The following LRMDA variants were observed in gnomAD, a reference collection of about 807,000 sequenced individuals.
LRMDA encodes leucine rich melanocyte differentiation associated, also known as leucine-rich melanocyte differentiation-associated protein.
In LRMDA, 18 loss-of-function variants were observed where a neutral mutation model predicts 29.8. That is an observed-to-expected ratio of 0.60 (90% confidence interval 0.42 to 0.90). The LOEUF is 0.90. Ranked by LOEUF, LRMDA falls within the 40% of genes least tolerant of loss-of-function variation. LRMDA has a pLI of 0.00. For missense variants in LRMDA, 273 were observed against 273.9 expected (o/e 1.00, Z 0.02); for synonymous variants, 125 against 109.4 (o/e 1.14, Z -0.89).
At chr10:75,755,227 A>T (rs943055897) in intron 2 of LRMDA, among the ~76,000 whole-genome samples, 26 of 152,156 alleles carry the variant, frequency 1.7e-4, no homozygotes, top group African/African-American at 6.0e-4. Context: ...CTCAGAAAAA[A>T]GTCTTAGTTA....
chr10:75,678,655 C>T (rs1247756133), intron 2 of LRMDA, among the ~76,000 whole-genome samples: 1 of 152,176 alleles, frequency 6.6e-6, no homozygotes, highest in Non-Finnish European at 1.5e-5. Flanking sequence ...TTGCTTTTCT[C>T]TTGTTAAAGT....
chr10:75,530,117 T>A (rs1287905530), intron 2 of LRMDA, among the ~76,000 whole-genome samples: 1 of 151,780 alleles, frequency 6.6e-6, no homozygotes, highest in Admixed American at 6.6e-5. Flanking sequence ...ATATATTCTT[T>A]AAAAAATATA....
chr10:76,461,295 C>G (rs1842509503), intron 6 of LRMDA, among the ~76,000 whole-genome samples: 1 of 152,134 alleles, frequency 6.6e-6, no homozygotes, highest in South Asian at 2.1e-4. Flanking sequence ...AACAGAAAAT[C>G]TCCAGTGAGC....
intron 5 of LRMDA, among the ~76,000 whole-genome samples, chr10:76,211,170 T>C (rs1851627344): frequency 6.6e-6 from 1 of 152,178 alleles, no homozygotes; most frequent in African/African-American, 2.4e-5. Flanking sequence ...GAAATGTCCT[T>C]CCTCTCTGTC....
intron 2 of LRMDA, among the ~76,000 whole-genome samples, chr10:75,833,548 C>T (rs977122720): frequency 2.0e-5 from 3 of 152,148 alleles, no homozygotes; most frequent in Non-Finnish European, 4.4e-5. Context: ...TTCTGTCCCT[C>T]CAAAATTCAC....
intron 6 of LRMDA, among the ~76,000 whole-genome samples, chr10:76,468,231 CA>C (rs1385906958): frequency 6.6e-6 from 1 of 152,170 alleles, no homozygotes; most frequent in Non-Finnish European, 1.5e-5. Flanking sequence ...TATATGTCAC[CA>C]AAATTAATTT....
intron 5 of LRMDA, among the ~76,000 whole-genome samples, chr10:76,245,268 G>T (rs1589392010): frequency 6.6e-6 from 1 of 152,152 alleles, no homozygotes. Flanking sequence ...TCCACTGCCT[G>T]GTCCTATTGA....
chr10:75,791,578 A>G (rs1352201349), intron 2 of LRMDA, among the ~76,000 whole-genome samples: 3 of 152,254 alleles, frequency 2.0e-5, no homozygotes, highest in Non-Finnish European at 4.4e-5. Context: ...TTTTCTCCAC[A>G]GAAAAGTCAA....
chr10:76,249,655 T>C lies in LRMDA; in HGVS notation c.517-74746T>C, dbSNP rs553278502. Among the ~76,000 whole-genome samples, 27 of 152,348 alleles carry C rather than the reference T, an allele frequency of 1.8e-4. No homozygotes were observed. In the East Asian group the frequency reaches 5.2e-3, roughly 29 times the overall value. On this transcript the variant is annotated intron_variant, in intron 5 of 6. Coordinates refer to ENST00000611255, the MANE Select transcript of LRMDA (RefSeq NM_001305581.2). ...AAGAAACAGAAAATATTGCTTCTTTTTAAATATTTGCCTGGGTTTGATCAC... is the reference window on the plus strand; with the variant it reads ...AAGAAACAGAAAATATTGCTTCTTTCTAAATATTTGCCTGGGTTTGATCAC...
At chr10:76,359,991 TTTG>T (rs1841291885) in intron 6 of LRMDA, among the ~76,000 whole-genome samples, 1 of 151,966 alleles carries the variant, frequency 6.6e-6, no homozygotes, top group Non-Finnish European at 1.5e-5. Flanking sequence ...TTCTTTTTCT[TTTG>T]TTTTTTTTTA....
At chr10:75,947,923 C>T (rs912859401) in intron 2 of LRMDA, among the ~76,000 whole-genome samples, 2 of 152,136 alleles carry the variant, frequency 1.3e-5, no homozygotes, top group Admixed American at 6.5e-5. Flanking sequence ...AGATAAAGTT[C>T]GTCCTCACAG....
At chr10:76,234,503 C>G (rs888896252) in intron 5 of LRMDA, among the ~76,000 whole-genome samples, 3 of 152,174 alleles carry the variant, frequency 2.0e-5, no homozygotes, top group African/African-American at 7.2e-5. Context: ...TCCTTTGAAG[C>G]TTTGAAGCCA....
chr10:75,690,450 G>A (rs1842131147), intron 2 of LRMDA, among the ~76,000 whole-genome samples: 1 of 152,134 alleles, frequency 6.6e-6, no homozygotes, highest in South Asian at 2.1e-4. Context: ...GACTATAGGT[G>A]CATGCCACCA....
chr10:76,042,300 G>A (rs935446976), intron 3 of LRMDA, among the ~76,000 whole-genome samples: 6 of 152,162 alleles, frequency 3.9e-5, no homozygotes, highest in Non-Finnish European at 5.9e-5. Context: ...AAAGGCTTAG[G>A]AAGATGGAGC....
At chr10:76,510,838 G>A (rs537122475) in intron 6 of LRMDA, among the ~76,000 whole-genome samples, 4 of 152,236 alleles carry the variant, frequency 2.6e-5, no homozygotes, top group East Asian at 1.9e-4. Context: ...CTACTGTATC[G>A]CCTTTCACAG....
At chr10:75,972,462 A>G (rs1421273640) in intron 2 of LRMDA, among the ~76,000 whole-genome samples, 1 of 152,166 alleles carries the variant, frequency 6.6e-6, no homozygotes, top group East Asian at 1.9e-4. Flanking sequence ...CATTTTAAAA[A>G]TTCATCTGAA....
chr10:76,404,408 C>A (rs1393068790), intron 6 of LRMDA, among the ~76,000 whole-genome samples: 1 of 152,150 alleles, frequency 6.6e-6, no homozygotes, highest in African/African-American at 2.4e-5. Context: ...AAATCTCCAA[C>A]CCTAAATGTG....
At chr10:76,076,345 C>CA (rs397846101) in intron 5 of LRMDA, among the ~76,000 whole-genome samples, 19,234 of 49,296 alleles carry the variant, frequency 0.39, 4,131 homozygotes, top group Non-Finnish European at 0.48. Context: ...GACTCCATCT[C>CA]AAAAAAAAAA....
intron 2 of LRMDA, among the ~76,000 whole-genome samples, chr10:75,494,947 A>T (rs1211347116): frequency 1.3e-5 from 2 of 152,200 alleles, no homozygotes; most frequent in Non-Finnish European, 2.9e-5. Flanking sequence ...TCCAGCCATC[A>T]TGTCCACATT....
Sources: gnomAD v4.1 joint callset for allele counts (sites outside exome capture counted in the v4.1 genomes callset) on GRCh38, gnomAD v4.1.1 for gene constraint, MANE v1.5 for transcripts, NCBI Gene and HGNC (gene_info 2026-07-23, HGNC 2026-07-21) for gene names.